SHISA9: variants seen among roughly 807,000 people sequenced by gnomAD.
SHISA9 encodes the protein shisa family member 9.
SHISA9 carries 13 observed loss-of-function variants against 38.0 expected under a neutral mutation model. That is an observed-to-expected ratio of 0.34 (90% CI 0.22 to 0.54). The LOEUF (loss-of-function observed/expected upper bound fraction) is 0.54, where lower values mean the gene tolerates loss of function less well. SHISA9 is among the 20% of genes least tolerant of loss of function. The pLI is 0.91. For synonymous variants in SHISA9, 275 were observed against 242.0 expected, an observed-to-expected ratio of 1.14 and a Z score of -1.27; for missense variants, 538 against 575.8, an observed-to-expected ratio of 0.93 and a Z score of 0.67.
intron 2 of SHISA9, among the ~76,000 whole-genome samples, chr16:12,937,629 C>G (rs1331122762): frequency 6.6e-6 from 1 of 152,192 alleles, no homozygotes; most frequent in African/African-American, 2.4e-5. Context: ...AGACAGCCAC[C>G]TTCTTGCTGT....
At chr16:13,058,174 G>C (rs2073332108) in intron 2 of SHISA9, among the ~76,000 whole-genome samples, 1 of 152,148 alleles carries the variant, frequency 6.6e-6, no homozygotes, top group African/African-American at 2.4e-5. Context: ...TTTTTAAAAA[G>C]ATGCTTTTCC....
At chr16:13,394,932 T>TGTGG in the SHISA9 span, among the ~76,000 whole-genome samples, 11 of 120,236 alleles carry the variant, frequency 9.1e-5, no homozygotes, top group African/African-American at 3.8e-4. Flanking sequence ...ATCTGGGGTG[T>TGTGG]GTGTGTGTGT....
chr16:13,259,052 C>T, the SHISA9 span, among the ~76,000 whole-genome samples: 1 of 152,218 alleles, frequency 6.6e-6, no homozygotes, highest in East Asian at 1.9e-4. Context: ...CAAGTCCCTT[C>T]TGCCTATGAG....
chr16:13,071,812 T>A (rs2073522424), intron 2 of SHISA9, among the ~76,000 whole-genome samples: 1 of 151,964 alleles, frequency 6.6e-6, no homozygotes, highest in South Asian at 2.1e-4. Context: ...TTTTATTTTT[T>A]TTTTTAATTT....
At chr16:13,391,140 C>T in the SHISA9 span, among the ~76,000 whole-genome samples, 1 of 152,136 alleles carries the variant, frequency 6.6e-6, no homozygotes, top group Admixed American at 6.5e-5. Context: ...GTGACATTCA[C>T]TGAAACCATA....
intron 2 of SHISA9, among the ~76,000 whole-genome samples, chr16:12,984,688 G>C (rs1347534628): frequency 6.6e-6 from 1 of 152,186 alleles, no homozygotes; most frequent in Non-Finnish European, 1.5e-5. Flanking sequence ...TAAGAACCAT[G>C]GGTGTCCTGA....
chr16:13,307,866 T>C, the SHISA9 span, among the ~76,000 whole-genome samples: 192 of 152,348 alleles, frequency 1.3e-3, no homozygotes, highest in African/African-American at 4.0e-3. Flanking sequence ...CAGGAAAATT[T>C]AGATGTGTTC....
chr16:13,457,061 C>G, the SHISA9 span, among the ~76,000 whole-genome samples: 3 of 152,376 alleles, frequency 2.0e-5, no homozygotes, highest in East Asian at 5.8e-4. Flanking sequence ...AATCCCAGCA[C>G]TTTGGGAGGC....
At chr16:13,164,599 C>A (rs779288105) in intron 2 of SHISA9, among the ~76,000 whole-genome samples, 1 of 151,986 alleles carries the variant, frequency 6.6e-6, no homozygotes, top group Non-Finnish European at 1.5e-5. Flanking sequence ...GAGGTCATTC[C>A]TTTGAGATTT....
the SHISA9 span, among the ~76,000 whole-genome samples, chr16:13,353,233 G>T: frequency 0.019 from 2,855 of 151,974 alleles, 39 homozygotes; most frequent in Middle Eastern, 0.037. Flanking sequence ...AGAAGAAACA[G>T]TTGTTGTATA....
the SHISA9 span, among the ~76,000 whole-genome samples, chr16:13,285,078 T>C: frequency 0.059 from 8,964 of 152,266 alleles, 376 homozygotes; most frequent in Non-Finnish European, 0.09. Flanking sequence ...TTTTTTCTTT[T>C]ACATTCCACC....
the SHISA9 span, among the ~76,000 whole-genome samples, chr16:13,548,289 C>T: frequency 2.0e-5 from 3 of 152,230 alleles, no homozygotes; most frequent in Admixed American, 6.5e-5. Context: ...CACTTTACAA[C>T]GTTGGTCTGG....
chr16:13,067,031 G>T (rs1043217846), intron 2 of SHISA9, among the ~76,000 whole-genome samples: 10 of 152,184 alleles, frequency 6.6e-5, no homozygotes, highest in African/African-American at 2.4e-4. Flanking sequence ...TGGGTATTAG[G>T]GTGGATGTTC....
chr16:12,981,498 G>C (rs1501302), intron 2 of SHISA9, among the ~76,000 whole-genome samples: 27,105 of 152,062 alleles, frequency 0.18, 2,699 homozygotes, highest in African/African-American at 0.25. Flanking sequence ...AAATCAGCAC[G>C]CAGCCACTCC....
At chr16:13,523,951 C>T in the SHISA9 span, among the ~76,000 whole-genome samples, 1 of 152,116 alleles carries the variant, frequency 6.6e-6, no homozygotes, top group South Asian at 2.1e-4. Context: ...GAAAGTACTA[C>T]TATTATTATC....
the SHISA9 span, among the ~76,000 whole-genome samples, chr16:13,451,270 C>T: frequency 6.6e-6 from 1 of 152,184 alleles, no homozygotes; most frequent in African/African-American, 2.4e-5. Flanking sequence ...TATGGTCTGC[C>T]TTTCCTCACT....
chr16:13,457,424 C>T, the SHISA9 span, among the ~76,000 whole-genome samples: 11,603 of 152,112 alleles, frequency 0.076, 579 homozygotes, highest in South Asian at 0.18. Context: ...GTAGTCTTGC[C>T]TGGACTGTGT....
chr16:13,268,064 C>T, the SHISA9 span, among the ~76,000 whole-genome samples: 1 of 151,994 alleles, frequency 6.6e-6, no homozygotes, highest in Non-Finnish European at 1.5e-5. Context: ...GGGGGCACTT[C>T]TAGGACCTCA....
chr16:12,978,007 A>T (rs1019642628), intron 2 of SHISA9, among the ~76,000 whole-genome samples: 1 of 152,170 alleles, frequency 6.6e-6, no homozygotes, highest in Non-Finnish European at 1.5e-5. Flanking sequence ...TAAGAAAAAA[A>T]GAATGAGAAG....
Sources: gnomAD v4.1 joint callset for allele counts (sites outside exome capture counted in the v4.1 genomes callset) on GRCh38, gnomAD v4.1.1 for gene constraint, MANE v1.5 for transcripts, NCBI Gene and HGNC (gene_info 2026-07-23, HGNC 2026-07-21) for gene names.